ZDHHC14: variants seen among roughly 807,000 people sequenced by gnomAD.
ZDHHC14 encodes palmitoyltransferase ZDHHC14.
ZDHHC14 carries 16 observed loss-of-function variants against 47.7 expected under a neutral mutation model. That is an observed-to-expected ratio of 0.34 (90% CI 0.23 to 0.51). The LOEUF is 0.51. ZDHHC14 is among the 20% of genes least tolerant of loss of function. The pLI is 0.97. For missense variants in ZDHHC14, 515 were observed against 662.5 expected, an observed-to-expected ratio of 0.78 and a Z score of 2.44; for synonymous variants, 293 against 278.9, an observed-to-expected ratio of 1.05 and a Z score of -0.50.
At position 157,672,932 on chromosome 6, in the gene ZDHHC14, T is replaced by C; in HGVS notation, c.1277T>C (p.Val426Ala). Residue 426 changes from valine (V) to alanine (A), a missense_variant, in exon 9 of 9, where the codon GTG becomes GCG. Coordinates refer to ENST00000359775, the MANE Select transcript of ZDHHC14 (RefSeq NM_024630.3). ...CTCGCCGAGGCCACGCTCGCGGACG[T>C]GATGCCCCGGAAAGATGAGCACATG... is the stretch of plus-strand genomic sequence containing the variant. ...PNLAEATLAD[V>A]MPRKDEHMGH... 1 of 1,602,234 alleles carries C rather than the reference T, an allele frequency of 6.2e-7. No homozygotes were observed. Among genetic ancestry groups the C allele is most frequent in the Non-Finnish European group, 8.5e-7 (1 of 1,176,514 alleles).
intron 2 of ZDHHC14, among the ~76,000 whole-genome samples, chr6:157,584,076 T>C (rs1315782157): frequency 1.3e-5 from 2 of 152,202 alleles, no homozygotes; most frequent in Non-Finnish European, 2.9e-5. Context: ...TCTTTGTTCC[T>C]TTCCCAGTCC....
At chr6:157,507,642 T>C (rs997249901) in intron 1 of ZDHHC14, among the ~76,000 whole-genome samples, 1 of 152,184 alleles carries the variant, frequency 6.6e-6, no homozygotes, top group Admixed American at 6.5e-5. Flanking sequence ...TAAAAATATG[T>C]CCATCCAATT....
chr6:157,421,797 G>A (rs930311565), intron 1 of ZDHHC14, among the ~76,000 whole-genome samples: 23 of 152,130 alleles, frequency 1.5e-4, no homozygotes, highest in Non-Finnish European at 2.1e-4. Flanking sequence ...TAGTAGAGAC[G>A]GGGTTTCACC....
At chr6:157,543,523 T>C (rs974261666) in intron 2 of ZDHHC14, among the ~76,000 whole-genome samples, 1 of 152,238 alleles carries the variant, frequency 6.6e-6, no homozygotes, top group African/African-American at 2.4e-5. Context: ...GAGATAATTC[T>C]CTTCCAGGAT....
chr6:157,556,464 C>T (rs1476369745), intron 2 of ZDHHC14, among the ~76,000 whole-genome samples: 1 of 152,248 alleles, frequency 6.6e-6, no homozygotes, highest in Non-Finnish European at 1.5e-5. Context: ...CAGCAGAGCA[C>T]AGCTCAAAGG....
chr6:157,389,100 A>G (rs1406115411), intron 1 of ZDHHC14, among the ~76,000 whole-genome samples: 1 of 151,920 alleles, frequency 6.6e-6, no homozygotes. Flanking sequence ...AACATAAGAT[A>G]GCATCATAGC....
intron 5 of ZDHHC14, among the ~76,000 whole-genome samples, chr6:157,644,335 T>C (rs1777411257): frequency 6.6e-6 from 1 of 152,216 alleles, no homozygotes. Context: ...CCACCATCCA[T>C]GTGTCCCCAT....
chr6:157,658,719 G>A (rs952554986), intron 8 of ZDHHC14, among the ~76,000 whole-genome samples: 8 of 152,228 alleles, frequency 5.3e-5, no homozygotes, highest in African/African-American at 1.4e-4. Context: ...CAGTTTGCTA[G>A]TATTTTGTTA....
rs551690813 is a variant in ZDHHC14, at chr6:157,485,353, G to T, written c.246-57232G>T. ...TGGGAGGCAGTTTTGTTGGAGGAAAGGTCTCCACGAGGAAGTATAGGAGCA... is the reference window on the plus strand; with the variant it reads ...TGGGAGGCAGTTTTGTTGGAGGAAATGTCTCCACGAGGAAGTATAGGAGCA... On this transcript the variant is annotated intron_variant, in intron 1 of 8. Coordinates refer to ENST00000359775, the MANE Select transcript of ZDHHC14 (RefSeq NM_024630.3). Among the ~76,000 whole-genome samples, 9 of 152,276 alleles carry T rather than the reference G, an allele frequency of 5.9e-5. No homozygotes were observed. In the East Asian group the frequency reaches 1.7e-3, roughly 29 times the overall value.
At chr6:157,407,504 C>T (rs1446951290) in intron 1 of ZDHHC14, among the ~76,000 whole-genome samples, 2 of 152,224 alleles carry the variant, frequency 1.3e-5, no homozygotes, top group Non-Finnish European at 2.9e-5. Context: ...GGAAAACTAA[C>T]TCTTGGTAGT....
chr6:157,613,732 A>G (rs1343191601), intron 3 of ZDHHC14, among the ~76,000 whole-genome samples: 1 of 152,160 alleles, frequency 6.6e-6, no homozygotes, highest in Non-Finnish European at 1.5e-5. Context: ...AGTTTCTGTG[A>G]ACTAACCTGA....
chr6:157,466,713 C>T (rs1461465011), intron 1 of ZDHHC14, among the ~76,000 whole-genome samples: 2 of 151,910 alleles, frequency 1.3e-5, no homozygotes, highest in Non-Finnish European at 2.9e-5. Flanking sequence ...TGGCAGGCAC[C>T]TGTAATTCCA....
chr6:157,438,274 A>T (rs902511320), intron 1 of ZDHHC14, among the ~76,000 whole-genome samples: 2 of 152,234 alleles, frequency 1.3e-5, no homozygotes, highest in Non-Finnish European at 2.9e-5. Flanking sequence ...AGAATGCTTT[A>T]TGGAAAGTTC....
chr6:157,614,206 C>T (rs140344830), intron 3 of ZDHHC14, among the ~76,000 whole-genome samples: 2,371 of 152,306 alleles, frequency 0.016, 57 homozygotes, highest in African/African-American at 0.054. Flanking sequence ...AGTCCTACAT[C>T]CCATCAACAG....
intron 8 of ZDHHC14, among the ~76,000 whole-genome samples, chr6:157,660,697 G>T (rs964407720): frequency 1.3e-5 from 2 of 152,140 alleles, no homozygotes; most frequent in African/African-American, 4.8e-5. Context: ...GGGCAGCCAG[G>T]CCTTGGCAGT....
At chr6:157,628,248 T>C in intron 3 of ZDHHC14, 101 bp from the exon 4 acceptor site, 3 of 1,174,172 alleles carry the variant, frequency 2.6e-6, no homozygotes, top group Admixed American at 2.9e-5. Flanking sequence ...CATTGTGTTA[T>C]ACTATCAGAG....
At chr6:157,631,131 T>TCA (rs911805850) in intron 4 of ZDHHC14, 9 of 152,244 alleles carry the variant, frequency 5.9e-5, no homozygotes, top group Admixed American at 5.9e-4. Context: ...ACTCTCGCAC[T>TCA]CACATGCTGT....
intron 1 of ZDHHC14, among the ~76,000 whole-genome samples, chr6:157,438,571 T>C (rs62423894): frequency 0.055 from 8,345 of 152,352 alleles, 327 homozygotes; most frequent in Non-Finnish European, 0.084. Context: ...AATTTGCAAA[T>C]GTGAGGATCA....
At chr6:157,488,094 C>T (rs547944943) in intron 1 of ZDHHC14, among the ~76,000 whole-genome samples, 34 of 152,324 alleles carry the variant, frequency 2.2e-4, no homozygotes, top group African/African-American at 7.2e-4. Flanking sequence ...GCATCCCGTA[C>T]CCACCACGCA....
Sources: allele counts gnomAD v4.1 joint callset (sites outside exome capture counted in the v4.1 genomes callset), GRCh38; gene constraint gnomAD v4.1.1; transcripts MANE v1.5; gene names NCBI Gene and HGNC (gene_info 2026-07-23, HGNC 2026-07-21).